HS6ST2: variants seen among roughly 807,000 people sequenced by gnomAD.
HS6ST2 encodes heparan-sulfate 6-O-sulfotransferase 2.
A neutral mutation model predicts 33.0 loss-of-function variants in HS6ST2; 17 were observed. That is an observed-to-expected ratio of 0.52 (90% CI 0.35 to 0.77). HS6ST2 has a LOEUF of 0.77. HS6ST2 is among the 30% of genes least tolerant of loss of function. HS6ST2 has a pLI of 0.01. For synonymous variants in HS6ST2, 248 were observed against 237.1 expected, an observed-to-expected ratio of 1.05 and a Z score of -0.42; for missense variants, 519 against 551.7, an observed-to-expected ratio of 0.94 and a Z score of 0.59.
chrX:132,876,663 G>C (rs932495209), intron 2 of HS6ST2, among the ~76,000 whole-genome samples: 2 of 110,480 alleles, frequency 1.8e-5, no homozygotes, highest in Non-Finnish European at 3.8e-5. Context: ...ATGGTGGGAG[G>C]GGGGTGAGAG....
chrX:132,669,218 T>TTGC lies in HS6ST2; in HGVS notation c.981-20_981-19insGCA. 8.5e-7 allele frequency: 1 copy of TTGC among 1,180,662 alleles called. No homozygotes were observed. Among genetic ancestry groups the TTGC allele is most frequent in the Non-Finnish European group, 1.1e-6 (1 of 871,736 alleles). On this transcript the variant is annotated intron_variant, in intron 3 of 4. Transcript: ENST00000370833. ...ATCCTTACTATACCCACAGAAAGAA[T>TTGC]AGAAAACATATACACAACAAGGACC...
intron 2 of HS6ST2, among the ~76,000 whole-genome samples, chrX:132,881,093 G>T (rs2066167095): frequency 9.0e-6 from 1 of 111,184 alleles, no homozygotes; most frequent in Non-Finnish European, 1.9e-5. Context: ...ACATACATGT[G>T]CATGTGTCTT....
At chrX:132,806,448 T>C in intron 2 of HS6ST2, among the ~76,000 whole-genome samples, 1 of 110,197 alleles carries the variant, frequency 9.1e-6, no homozygotes, top group South Asian at 3.8e-4. Flanking sequence ...ATAACAGTGA[T>C]GATAATATGC....
chrX:132,679,403 G>C (rs1027540751), intron 3 of HS6ST2, among the ~76,000 whole-genome samples: 1 of 111,574 alleles, frequency 9.0e-6, no homozygotes, highest in South Asian at 3.8e-4. Context: ...CCCACAAGCC[G>C]CAAAACCAGC....
chrX:132,740,815 A>G (rs990086173), intron 2 of HS6ST2, among the ~76,000 whole-genome samples: 1 of 111,418 alleles, frequency 9.0e-6, no homozygotes, highest in African/African-American at 3.3e-5. Flanking sequence ...CATGCAAGGC[A>G]GCTAACAGTT....
At chrX:132,923,446 T>A (rs1327836464) in intron 2 of HS6ST2, among the ~76,000 whole-genome samples, 1 of 111,678 alleles carries the variant, frequency 9.0e-6, no homozygotes. Context: ...AACACTTTCT[T>A]CTTGGCTTTC....
chrX:132,637,897 TATA>T (rs1368984676), intron 4 of HS6ST2, among the ~76,000 whole-genome samples: 101 of 51,885 alleles, frequency 1.9e-3, no homozygotes, highest in East Asian at 5.5e-3. Context: ...ATATTTTATA[TATA>T]ATATTATATA....
chrX:132,895,367 ATTT>A, intron 2 of HS6ST2, among the ~76,000 whole-genome samples: 1 of 111,565 alleles, frequency 9.0e-6, no homozygotes, highest in South Asian at 3.7e-4. Flanking sequence ...AACGAAAAAT[ATTT>A]TTTAATTCTA....
chrX:132,732,180 T>C (rs969241736), intron 2 of HS6ST2, among the ~76,000 whole-genome samples: 5 of 112,172 alleles, frequency 4.5e-5, no homozygotes, highest in African/African-American at 1.6e-4. Context: ...TTTTAGTCTT[T>C]GGAAAGTAAT....
intron 2 of HS6ST2, among the ~76,000 whole-genome samples, chrX:132,894,128 T>G (rs1045558304): frequency 9.2e-6 from 1 of 108,255 alleles, no homozygotes; most frequent in Admixed American, 9.9e-5. Flanking sequence ...TTCAGGTTTT[T>G]TTTTTTTTTG....
chrX:132,841,674 T>A (rs1027746229), intron 2 of HS6ST2, among the ~76,000 whole-genome samples: 3 of 112,015 alleles, frequency 2.7e-5, no homozygotes, highest in East Asian at 5.7e-4. Context: ...CAGTTGAACT[T>A]GATACCCAAA....
intron 2 of HS6ST2, among the ~76,000 whole-genome samples, chrX:132,777,293 A>G (rs2064970320): frequency 9.2e-6 from 1 of 109,165 alleles, no homozygotes; most frequent in African/African-American, 3.3e-5. Flanking sequence ...GAGTACCTAC[A>G]ATAGCATCCC....
chrX:132,661,001 T>C (rs759420929), intron 4 of HS6ST2, among the ~76,000 whole-genome samples: 1 of 111,549 alleles, frequency 9.0e-6, no homozygotes, highest in South Asian at 3.8e-4. Context: ...TAAGAGCCCC[T>C]TATAAAACCA....
intron 4 of HS6ST2, among the ~76,000 whole-genome samples, chrX:132,656,981 G>A (rs1475625066): frequency 9.0e-6 from 1 of 111,497 alleles, no homozygotes; most frequent in Non-Finnish European, 1.9e-5. Context: ...TCAATGGCCT[G>A]GGTGGCTTCT....
At chrX:132,810,565 C>T (rs1038958539) in intron 2 of HS6ST2, among the ~76,000 whole-genome samples, 1 of 111,216 alleles carries the variant, frequency 9.0e-6, no homozygotes, top group African/African-American at 3.3e-5. Flanking sequence ...GACCCAGTGA[C>T]CTCTCTACAT....
chrX:132,686,292 G>T (rs1179593315), intron 3 of HS6ST2, among the ~76,000 whole-genome samples: 1 of 112,493 alleles, frequency 8.9e-6, no homozygotes, highest in Non-Finnish European at 1.9e-5. Context: ...GACTAATGTA[G>T]ATTCTTAGGA....
At chrX:132,824,100 AC>A (rs1195685227) in intron 2 of HS6ST2, among the ~76,000 whole-genome samples, 2 of 110,857 alleles carry the variant, frequency 1.8e-5, no homozygotes, top group East Asian at 5.7e-4. Flanking sequence ...GTCAACATGG[AC>A]CAATCTATTG....
chrX:132,794,238 A>G (rs1160760806), intron 2 of HS6ST2, among the ~76,000 whole-genome samples: 2 of 111,924 alleles, frequency 1.8e-5, no homozygotes, highest in Admixed American at 1.9e-4. Flanking sequence ...ATGTGCTTTA[A>G]GGATGAGGGA....
At chrX:132,667,993 T>C (rs1187513230) in intron 4 of HS6ST2, among the ~76,000 whole-genome samples, 1 of 112,093 alleles carries the variant, frequency 8.9e-6, no homozygotes, top group Admixed American at 9.5e-5. Flanking sequence ...AACACCGTTT[T>C]TTATATTTTG....
Sources: gnomAD v4.1 joint callset for allele counts (sites outside exome capture counted in the v4.1 genomes callset) on GRCh38, gnomAD v4.1.1 for gene constraint, MANE v1.5 for transcripts, NCBI Gene and HGNC (gene_info 2026-07-23, HGNC 2026-07-21) for gene names.